Variants in SEMA5A observed in about 807,000 individuals in gnomAD.
SEMA5A encodes semaphorin-5A.
Under a neutral mutation model 135.5 loss-of-function variants are expected in SEMA5A, and 55 were observed. The ratio of observed to expected loss-of-function variants is 0.41; its 90% CI spans 0.33 to 0.51. SEMA5A has a LOEUF of 0.51. Ranked by LOEUF, SEMA5A falls within the 20% of genes least tolerant of loss-of-function variation. SEMA5A has a pLI of 0.37. For synonymous variants in SEMA5A, 580 were observed against 546.5 expected (o/e 1.06, Z -0.85); for missense variants, 1,290 against 1,419.9 (o/e 0.91, Z 1.47).
chr5:9,181,670 G>A (rs192864087), intron 11 of SEMA5A, among the ~76,000 whole-genome samples: 37 of 152,256 alleles, frequency 2.4e-4, no homozygotes, highest in African/African-American at 7.9e-4. Context: ...ATTGGGGATG[G>A]GATTGATAGA....
intron 3 of SEMA5A, among the ~76,000 whole-genome samples, chr5:9,357,513 C>A (rs777067445): frequency 2.6e-5 from 4 of 152,146 alleles, no homozygotes; most frequent in Non-Finnish European, 5.9e-5. Flanking sequence ...ATAAACATTT[C>A]TATTTTTGCT....
chr5:9,412,175 G>A (rs1757123116), intron 2 of SEMA5A, among the ~76,000 whole-genome samples: 1 of 151,996 alleles, frequency 6.6e-6, no homozygotes, highest in Non-Finnish European at 1.5e-5. Context: ...TGAACGTTCA[G>A]TCTCCTCCAG....
intron 3 of SEMA5A, among the ~76,000 whole-genome samples, chr5:9,369,484 C>T (rs1006599198): frequency 1.4e-4 from 21 of 152,202 alleles, no homozygotes; most frequent in Admixed American, 1.4e-3. Flanking sequence ...TGCTCTTAAC[C>T]TTAGGTCTGT....
At chr5:9,403,392 A>C (rs1160875259) in intron 2 of SEMA5A, among the ~76,000 whole-genome samples, 1 of 152,048 alleles carries the variant, frequency 6.6e-6, no homozygotes, top group East Asian at 1.9e-4. Context: ...AAGCACAAGG[A>C]AAGATTAGGA....
At position 9,237,903 on chromosome 5, in the gene SEMA5A, C is replaced by T. The variant is rs1317094583; in HGVS notation, c.271-13G>A. 4 of 1,612,514 alleles carry T rather than the reference C, an allele frequency of 2.5e-6. No homozygotes were observed. The African/African-American group carries it at 5.3e-5, about 22-fold the overall frequency. On this transcript the variant is annotated splice_polypyrimidine_tract_variant and intron_variant, in intron 5 of 22. Transcript: ENST00000382496. ...CCCATTCCACAGCCTGTAGAAAACA[C>T]CAAAACAATAGCAGTCATGGTTTTG...
chr5:9,289,320 G>C (rs1750955741), intron 5 of SEMA5A, among the ~76,000 whole-genome samples: 1 of 152,126 alleles, frequency 6.6e-6, no homozygotes, highest in Non-Finnish European at 1.5e-5. Context: ...ATTTATGATA[G>C]AATGAATTAA....
Position 9,066,549 on chromosome 5 carries a change from T to C in SEMA5A, c.2171A>G (p.His724Arg), listed in dbSNP as rs757689817. The change falls in exon 17 of 23, where the codon CAC becomes CGC. Residue 724 changes from histidine (H) to arginine (R), a missense_variant. His to Arg is a conservative substitution (Grantham distance 29). Coordinates refer to ENST00000382496, the MANE Select transcript of SEMA5A (RefSeq NM_003966.3). ...TGTGTATCGGAATCGTTGCTCATAG[T>C]GGCCGCCGTTGTCAGAGATGTTGAC... ...TPVNISDNGG[H>R]YEQRFRYTCK... 1.2e-6 allele frequency: 2 copies of C among 1,614,192 alleles called. No homozygotes were observed. The highest frequency in any genetic ancestry group is 1.7e-6 in the Non-Finnish European group (2 of 1,180,038).
At chr5:9,164,580 T>C (rs1485361181) in intron 11 of SEMA5A, among the ~76,000 whole-genome samples, 2 of 152,114 alleles carry the variant, frequency 1.3e-5, no homozygotes. Context: ...GTAGTTCTGA[T>C]CTAGAAAAGT....
chr5:9,471,320 T>A (rs1714880265), intron 1 of SEMA5A, among the ~76,000 whole-genome samples: 1 of 152,166 alleles, frequency 6.6e-6, no homozygotes, highest in Admixed American at 6.5e-5. Context: ...ACTGCCTAAC[T>A]GGGTATCTGA....
intron 8 of SEMA5A, among the ~76,000 whole-genome samples, chr5:9,221,197 G>T (rs40675): frequency 0.85 from 129,673 of 152,074 alleles, 55,456 homozygotes; most frequent in Non-Finnish European, 0.89. Context: ...CATGTGAAAG[G>T]GGAGCATTCT....
rs190506561 is a variant in SEMA5A at position 9,376,924 on chromosome 5, C to A, written c.124+2899G>T. On this transcript the variant is annotated intron_variant, in intron 3 of 22. Coordinates refer to ENST00000382496, the MANE Select transcript of SEMA5A (RefSeq NM_003966.3). ...TGCATTCACCCTTTGGCCCAGAAAT[C>A]CCAATTCGAATAATCTCTTTCAACG... Among the ~76,000 whole-genome samples, 813 of 152,214 alleles carry A rather than the reference C, an allele frequency of 5.3e-3. 5 individuals are homozygous for A. Among genetic ancestry groups the A allele is most frequent in the Non-Finnish European group, 9.0e-3 (612 of 68,024 alleles).
chr5:9,256,470 T>A (rs143115673), intron 5 of SEMA5A, among the ~76,000 whole-genome samples: 1 of 152,194 alleles, frequency 6.6e-6, no homozygotes, highest in Non-Finnish European at 1.5e-5. Context: ...GACTCCTCAA[T>A]ATTCAGATAT....
At chr5:9,468,573 T>C (rs1310442349) in intron 1 of SEMA5A, among the ~76,000 whole-genome samples, 1 of 63,004 alleles carries the variant, frequency 1.6e-5, no homozygotes, top group East Asian at 3.7e-4. Flanking sequence ...TATAAGTGAT[T>C]TCTGGTAACA....
chr5:9,338,684 A>C (rs944383468), intron 3 of SEMA5A, among the ~76,000 whole-genome samples: 1 of 152,194 alleles, frequency 6.6e-6, no homozygotes, highest in Non-Finnish European at 1.5e-5. Flanking sequence ...ATTTTGAATA[A>C]CACCACCCTG....
chr5:9,308,591 A>G (rs1015898), intron 5 of SEMA5A, among the ~76,000 whole-genome samples: 21,467 of 152,000 alleles, frequency 0.14, 1,612 homozygotes, highest in South Asian at 0.19. Context: ...CAAACCTAAA[A>G]CCCATATTTG....
intron 15 of SEMA5A, among the ~76,000 whole-genome samples, chr5:9,109,331 C>G (rs1174011497): frequency 6.6e-6 from 1 of 152,124 alleles, no homozygotes; most frequent in Non-Finnish European, 1.5e-5. Flanking sequence ...TGAGCCACCG[C>G]GCCCAGCCTT....
At chr5:9,213,109 C>T (rs1007887316) in intron 8 of SEMA5A, among the ~76,000 whole-genome samples, 4 of 152,112 alleles carry the variant, frequency 2.6e-5, no homozygotes, top group East Asian at 1.9e-4. Context: ...TACTCGGGCA[C>T]GAATCCCATT....
intron 2 of SEMA5A, among the ~76,000 whole-genome samples, chr5:9,389,485 C>T (rs1463712606): frequency 2.0e-5 from 3 of 151,802 alleles, no homozygotes; most frequent in Non-Finnish European, 2.9e-5. Context: ...CTTGCGTCTG[C>T]TTCCTCTCAT....
intron 3 of SEMA5A, among the ~76,000 whole-genome samples, chr5:9,365,436 C>G (rs1754874587): frequency 6.6e-6 from 1 of 152,128 alleles, no homozygotes; most frequent in East Asian, 1.9e-4. Context: ...TGTACTGATC[C>G]TGTCTTTATT....
Sources: gnomAD v4.1 joint callset for allele counts (sites outside exome capture counted in the v4.1 genomes callset) on GRCh38, gnomAD v4.1.1 for gene constraint, MANE v1.5 for transcripts, NCBI Gene and HGNC (gene_info 2026-07-23, HGNC 2026-07-21) for gene names.